KRT14: variants seen among roughly 807,000 people sequenced by gnomAD.
KRT14 encodes the protein keratin 14.
KRT14 carries 30 observed loss-of-function variants against 44.5 expected under a neutral mutation model. The ratio of observed to expected loss-of-function variants is 0.67; its 90% CI spans 0.50 to 0.92. KRT14 has a LOEUF of 0.92. Ranked by LOEUF, KRT14 falls within the 40% of genes least tolerant of loss-of-function variation. KRT14 has a pLI of 0.00. For missense variants in KRT14, 535 were observed against 640.6 expected (o/e 0.84, Z 1.78); for synonymous variants, 241 against 257.6 (o/e 0.94, Z 0.62).
Position 41,583,093 on chromosome 17 carries a change from C to T in KRT14, c.1321+1G>A. ...AGGCCTGCAGAGGAGGAGGGTCTTA[C>T]CATCTCTGGATGACTGCGATCCAGA... On this transcript the variant is annotated splice_donor_variant, in intron 7 of 7. Coordinates refer to ENST00000167586, the MANE Select transcript of KRT14 (RefSeq NM_000526.5). LOFTEE classifies it high-confidence loss of function. 1 of 1,612,942 alleles carries T rather than the reference C, an allele frequency of 6.2e-7. No individual in the cohort carries two copies. The highest frequency in any genetic ancestry group is 8.5e-7 in the Non-Finnish European group (1 of 1,179,920).
intron 2 of KRT14, 113 bp downstream of exon 2, chr17:41,584,862 G>T: frequency 1.3e-6 from 1 of 791,120 alleles, no homozygotes; most frequent in Non-Finnish European, 2.2e-6. Context: ...AAGCACCCCA[G>T]GGAGTTTTCA....
chr17:41,585,097 C>T, intron 1 of KRT14, 40 bp from the exon 2 acceptor site: 2 of 1,460,872 alleles, frequency 1.4e-6, no homozygotes, highest in Non-Finnish European at 1.9e-6. Flanking sequence ...GTCAAATGGA[C>T]TTCACAAGCT....
rs374540857 is a variant in KRT14 at position 41,582,399 on chromosome 17, G to A, written c.*36C>T. ...CTTCCAGTGGGATCTGTGTCCACACGGGGGGCCTCCTAGGCCTGAGCGGGG... is the reference window on the plus strand; with the variant it reads ...CTTCCAGTGGGATCTGTGTCCACACAGGGGGCCTCCTAGGCCTGAGCGGGG... On this transcript the variant is annotated 3_prime_UTR_variant, in exon 8 of 8. Transcript: ENST00000167586. 43 of 1,486,658 alleles carry A rather than the reference G, an allele frequency of 2.9e-5. No homozygotes were observed. In the African/African-American group the frequency reaches 3.8e-4, roughly 13 times the overall value. The allele number at this position is 1,486,658 out of a possible 1,614,324, so 92.1% of individuals were successfully genotyped here.
At position 41,586,433 on chromosome 17, in the gene KRT14, A is replaced by T. The variant is rs1907527347; in HGVS notation, c.402T>A (p.Arg134=). ...GGTCGGCGTTGGCCTCCTCCAGAGC[A>T]CGCACCTTGTCCAGGTAGGAGGCCA... ...DRLASYLDKV[R]ALEEANADLE... is the part of the protein sequence containing the mutation. The change falls in exon 1 of 8, where the codon CGT becomes CGA. Residue 134 remains arginine (R), a synonymous_variant. Transcript: ENST00000167586. 6.2e-7 allele frequency: 1 copy of T among 1,614,142 alleles called. No homozygotes were observed. Among genetic ancestry groups the T allele is most frequent in the Non-Finnish European group, 8.5e-7 (1 of 1,180,024 alleles).
At chr17:41,585,337 A>G (rs902658450) in intron 1 of KRT14, among the ~76,000 whole-genome samples, 8 of 152,070 alleles carry the variant, frequency 5.3e-5, no homozygotes, top group African/African-American at 1.9e-4. Flanking sequence ...GCAAAACCTA[A>G]TGGGTCTTGG....
At chr17:41,582,650 G>A (rs1256731059) in intron 7 of KRT14, 118 bp from the exon 8 acceptor site, 3 of 785,070 alleles carry the variant, frequency 3.8e-6, no homozygotes, top group Non-Finnish European at 6.6e-6. Flanking sequence ...CCTCTCCCCT[G>A]ATTACTGCTT....
rs1285187469 is a variant in KRT14, at chr17:41,586,866, G to T, written c.-32C>A. The T allele has an allele frequency of 6.4e-7, 1 of 1,555,610 alleles. No individual in the cohort carries two copies. Among genetic ancestry groups the T allele is most frequent in the Non-Finnish European group, 8.7e-7 (1 of 1,154,418 alleles). On this transcript the variant is annotated 5_prime_UTR_variant, in exon 1 of 8. It adds an upstream start codon to the 5' untranslated region. Coordinates refer to ENST00000167586, the MANE Select transcript of KRT14 (RefSeq NM_000526.5). ...GAGGAGGGAGGTGAGCGAGCGAGCA[G>T]TTGGCTGAGTGAAGAGAAGGTGCTC...
rs2144584562 is a variant in KRT14 at position 41,584,977 on chromosome 17, G to T, written c.606C>A (p.Thr202=). 5.6e-6 allele frequency: 9 copies of T among 1,612,466 alleles called. No homozygotes were observed. The East Asian group carries it at 1.8e-4, about 32-fold the overall frequency. ...NARLAADDFR[T]KYETELNLRM... Reference sequence around the variant, plus strand: ...CTGGCCCACCATTTCAAACTCACTTGGTGCGGAAGTCATCCGCGGCCAGAC... The same window carrying T: ...CTGGCCCACCATTTCAAACTCACTTTGTGCGGAAGTCATCCGCGGCCAGAC... Residue 202 remains threonine (T), a splice_region_variant and synonymous_variant, in exon 2 of 8, where the codon ACC becomes ACA. Coordinates refer to ENST00000167586, the MANE Select transcript of KRT14 (RefSeq NM_000526.5).
chr17:41,585,181 TG>T, intron 1 of KRT14, 124 bp from the exon 2 acceptor site: 4 of 779,642 alleles, frequency 5.1e-6, no homozygotes, highest in South Asian at 4.4e-5. Context: ...CCACAAAACT[TG>T]ACCATAGCAG....
In KRT14 at chr17:41,583,187, G is replaced by A. The variant is rs367922119; in HGVS notation, c.1275-47C>T. The A allele has an allele frequency of 1.9e-4, 311 of 1,611,864 alleles. 3 individuals carry two copies. In the South Asian group the frequency reaches 2.3e-3, roughly 12 times the overall value. On this transcript the variant is annotated intron_variant, in intron 6 of 7. Coordinates refer to ENST00000167586, the MANE Select transcript of KRT14 (RefSeq NM_000526.5). ...GGATCATTAGATACATGGTGGGGCC[G>A]TGAGAGTGCCATGGGGGGGGCGGAC... is the stretch of plus-strand genomic sequence containing the variant.
rs901944550 is a variant in KRT14 at position 41,584,092 on chromosome 17, T to C, written c.765+165A>G. ...CTCTTTTTTTTTTTTTTTTTTTTTTTTTTTTTGGACAGGGTCTAGCCTTGT... is the reference window on the plus strand; with the variant it reads ...CTCTTTTTTTTTTTTTTTTTTTTTTCTTTTTTGGACAGGGTCTAGCCTTGT... On this transcript the variant is annotated intron_variant, in intron 3 of 7. Coordinates refer to ENST00000167586, the MANE Select transcript of KRT14 (RefSeq NM_000526.5). Among the ~76,000 whole-genome samples, 507 of 141,888 alleles carry C rather than the reference T, an allele frequency of 3.6e-3. 1 individual carries two copies. The highest frequency in any genetic ancestry group is 5.8e-3 in the Non-Finnish European group (380 of 65,026). 93.1% of individuals were successfully genotyped at this position (141,888 alleles called of 152,430 possible).
rs771523259 is a variant in KRT14, at chr17:41,583,482, G to A, written c.1054-27C>T. 3.7e-5 allele frequency: 60 copies of A among 1,614,132 alleles called. 1 individual carries two copies. In the Middle Eastern group the frequency reaches 5.0e-4, roughly 13 times the overall value. On this transcript the variant is annotated intron_variant, in intron 5 of 7. Transcript: ENST00000167586. ...TGTGAGGGAGGGAAAGGGAATCAAC[G>A]ATTAGTGAGTGTGGCCGTTCTCTCC...
At position 41,582,338 on chromosome 17, in the gene KRT14, G is replaced by A; in HGVS notation, c.*97C>T. Reference sequence around the variant, plus strand: ...CCAGGAGGGGGTGAGGGTGAAGCAGGGTCCAGCTGTGAAGTGCTTGGGCAG... The same window carrying A: ...CCAGGAGGGGGTGAGGGTGAAGCAGAGTCCAGCTGTGAAGTGCTTGGGCAG... On this transcript the variant is annotated 3_prime_UTR_variant, in exon 8 of 8. Coordinates refer to ENST00000167586, the MANE Select transcript of KRT14 (RefSeq NM_000526.5). 4.6e-6 allele frequency: 4 copies of A among 868,022 alleles called. No homozygotes were observed. Among genetic ancestry groups the A allele is most frequent in the Non-Finnish European group, 5.7e-6 (3 of 530,960 alleles). The allele number at this position is 868,022 out of a possible 1,614,324, so 53.8% of individuals were successfully genotyped here. A position where few individuals can be genotyped will look rare whatever the true frequency, so the allele number is the denominator to read the frequency against.
intron 2 of KRT14, 138 bp downstream of exon 2, chr17:41,584,837 G>A: frequency 1.4e-6 from 1 of 728,420 alleles, no homozygotes. Context: ...GGGCCCAAGA[G>A]TCTTATTCTT....
At chr17:41,583,524 C>T (rs778598320) in intron 5 of KRT14, 27 bp downstream of exon 5, 1 of 1,614,182 alleles carries the variant, frequency 6.2e-7, no homozygotes, top group South Asian at 1.1e-5. Flanking sequence ...GTCCTGGGTG[C>T]ACCACCCTTC....
intron 6 of KRT14, 39 bp from the exon 7 acceptor site, chr17:41,583,179 G>A (rs758419274): frequency 6.2e-5 from 100 of 1,612,520 alleles, no homozygotes; most frequent in Non-Finnish European, 5.9e-6. Flanking sequence ...TAGATACATG[G>A]TGGGGCCGTG....
intron 2 of KRT14, 70 bp downstream of exon 2, chr17:41,584,905 G>C (rs1907476061): frequency 8.4e-7 from 1 of 1,193,310 alleles, no homozygotes. Flanking sequence ...AGTTCTATTT[G>C]GGAAACACTG....
rs149217449 is a variant in KRT14, at chr17:41,583,290, G to T, written c.1219C>A (p.Arg407=). 2.4e-3 allele frequency: 3,950 copies of T among 1,613,578 alleles called. 95 individuals are homozygous for T. In the African/African-American group the frequency reaches 0.046, roughly 19 times the overall value. ...TAGGTGGCGATCTCCTGCTCCAGCC[G>T]CGTCTTCACGTCCAGCAGGATCTTG... ...EYKILLDVKT[R]LEQEIATYRR... Residue 407 remains arginine, a synonymous_variant, in exon 6 of 8, where the codon CGG becomes AGG. Coordinates refer to ENST00000167586, the MANE Select transcript of KRT14 (RefSeq NM_000526.5).
In KRT14 at chr17:41,584,204, G is replaced by A. The variant is rs1397141593; in HGVS notation, c.765+53C>T. ...GCTGGGACTATGGGCACGCACCACT[G>A]TACCCAGCCTCCCTGCATTTCTTTT... On this transcript the variant is annotated intron_variant, in intron 3 of 7. Transcript: ENST00000167586. The A allele has an allele frequency of 1.3e-5, 21 of 1,572,046 alleles. No individual in the cohort carries two copies. In the South Asian group the frequency reaches 1.9e-4, roughly 14 times the overall value.
Sources: allele counts gnomAD v4.1 joint callset (sites outside exome capture counted in the v4.1 genomes callset), GRCh38; gene constraint gnomAD v4.1.1; transcripts MANE v1.5; gene names NCBI Gene and HGNC (gene_info 2026-07-23, HGNC 2026-07-21).